ADK: variants seen among roughly 807,000 people sequenced by gnomAD.
The protein encoded by ADK is adenosine kinase.
A neutral mutation model predicts 44.7 loss-of-function variants in ADK; 24 were observed. The observed-to-expected ratio is 0.54, with a 90% CI of 0.39 to 0.76. The LOEUF (loss-of-function observed/expected upper bound fraction) is 0.76. Among genes scored for constraint, ADK ranks in the 30% least tolerant of loss-of-function variants. ADK has a pLI of 0.00. For missense variants in ADK, 321 were observed against 425.1 expected, an observed-to-expected ratio of 0.76 and a Z score of 2.15; for synonymous variants, 128 against 142.6, an observed-to-expected ratio of 0.90 and a Z score of 0.73.
chr10:74,662,243 C>T (rs1854762695), intron 9 of ADK, among the ~76,000 whole-genome samples: 1 of 152,164 alleles, frequency 6.6e-6, no homozygotes, highest in African/African-American at 2.4e-5. Context: ...CCCTCAACCC[C>T]TGCCATTCCA....
chr10:74,522,974 C>T (rs551217667), intron 6 of ADK, among the ~76,000 whole-genome samples: 1 of 151,574 alleles, frequency 6.6e-6, no homozygotes, highest in East Asian at 2.0e-4. Context: ...GCCCACCCTT[C>T]CCCGCAAAAA....
intron 7 of ADK, among the ~76,000 whole-genome samples, chr10:74,541,466 C>T (rs1172706078): frequency 6.6e-6 from 1 of 152,126 alleles, no homozygotes; most frequent in African/African-American, 2.4e-5. Context: ...TCTCTTTAAT[C>T]TAGAATGGTT....
At chr10:74,683,408 A>G (rs1855684938) in intron 10 of ADK, among the ~76,000 whole-genome samples, 2 of 152,232 alleles carry the variant, frequency 1.3e-5, no homozygotes, top group Non-Finnish European at 2.9e-5. Context: ...AATGTACAAC[A>G]TCAGTCTTAC....
chr10:74,647,859 T>C (rs1325683020), intron 9 of ADK, among the ~76,000 whole-genome samples: 1 of 152,196 alleles, frequency 6.6e-6, no homozygotes, highest in Non-Finnish European at 1.5e-5. Context: ...TTAAGTAAGC[T>C]CATTTGATAC....
chr10:74,247,492 C>A (rs1845469104), intron 3 of ADK, among the ~76,000 whole-genome samples: 1 of 151,886 alleles, frequency 6.6e-6, no homozygotes, highest in Non-Finnish European at 1.5e-5. Flanking sequence ...TAGCCTTGAC[C>A]TCCCAAAATG....
At chr10:74,585,168 C>G (rs1277711485) in intron 7 of ADK, among the ~76,000 whole-genome samples, 1 of 152,158 alleles carries the variant, frequency 6.6e-6, no homozygotes, top group Non-Finnish European at 1.5e-5. Context: ...TCCCTAACCT[C>G]CATTCAAAAA....
chr10:74,329,106 CAAAAAAAAAA>C (rs138730631), intron 4 of ADK, among the ~76,000 whole-genome samples: 1 of 82,122 alleles, frequency 1.2e-5, no homozygotes, highest in Non-Finnish European at 2.2e-5. Flanking sequence ...TCTGTGCAGG[CAAAAAAAAAA>C]AAAAAAAAAA....
At chr10:74,297,220 T>A (rs1392535031) in intron 3 of ADK, among the ~76,000 whole-genome samples, 2 of 152,228 alleles carry the variant, frequency 1.3e-5, no homozygotes, top group African/African-American at 2.4e-5. Context: ...TCTCACTAGG[T>A]AAATTTGAGT....
chr10:74,502,641 A>G (rs1847922591), intron 6 of ADK, among the ~76,000 whole-genome samples: 1 of 152,224 alleles, frequency 6.6e-6, no homozygotes, highest in Non-Finnish European at 1.5e-5. Flanking sequence ...AAAAAATTAT[A>G]TAAATGACCT....
intron 6 of ADK, among the ~76,000 whole-genome samples, chr10:74,407,240 G>A (rs1337528923): frequency 6.6e-6 from 1 of 152,148 alleles, no homozygotes; most frequent in Non-Finnish European, 1.5e-5. Context: ...GCAGGCATGA[G>A]CCGCCATGTC....
chr10:74,317,540 A>C (rs189391475), intron 4 of ADK, among the ~76,000 whole-genome samples: 127 of 150,768 alleles, frequency 8.4e-4, no homozygotes, highest in Middle Eastern at 3.4e-3. Flanking sequence ...AGCCTGGACA[A>C]CATAGTGAGA....
intron 1 of ADK, among the ~76,000 whole-genome samples, chr10:74,172,446 T>TG (rs1842190509): frequency 1.3e-5 from 2 of 152,104 alleles, no homozygotes; most frequent in African/African-American, 4.8e-5. Context: ...CCCAGCATTT[T>TG]GGGAGGCCGA....
chr10:74,402,386 G>A (rs1843746004), intron 6 of ADK, among the ~76,000 whole-genome samples: 1 of 152,144 alleles, frequency 6.6e-6, no homozygotes. Context: ...CCAATCAGAT[G>A]TAGATTTGGT....
intron 4 of ADK, among the ~76,000 whole-genome samples, chr10:74,315,368 T>C (rs1441753489): frequency 6.6e-6 from 1 of 152,166 alleles, no homozygotes; most frequent in African/African-American, 2.4e-5. Flanking sequence ...TACCGGTGTA[T>C]ATCTTTTATA....
chr10:74,445,211 CCT>C lies in ADK; in HGVS notation c.555+46633_555+46634del, dbSNP rs985068359. 2.0e-5 allele frequency among the ~76,000 whole-genome samples: 3 copies of C among 151,994 alleles called. No homozygotes were observed. The East Asian group carries it at 5.8e-4, about 29-fold the overall frequency. ...TTATATACAGCCTCTGTTGAAAAGA[CCT>C]TCTGTTAAAATCAGCTGCCCTTAGC... On this transcript the variant is annotated intron_variant, in intron 6 of 10. Transcript: ENST00000539909.
At chr10:74,642,452 G>A (rs531310611) in intron 9 of ADK, among the ~76,000 whole-genome samples, 1 of 149,096 alleles carries the variant, frequency 6.7e-6, no homozygotes, top group South Asian at 2.1e-4. Flanking sequence ...CAATCCTCCT[G>A]CCTTGGCTTC....
chr10:74,297,273 A>C (rs1351002278), intron 3 of ADK, among the ~76,000 whole-genome samples: 1 of 152,188 alleles, frequency 6.6e-6, no homozygotes, highest in Non-Finnish European at 1.5e-5. Flanking sequence ...GGTATTTACT[A>C]TTCAGTATCA....
At chr10:74,357,903 G>C (rs1842200373) in intron 4 of ADK, among the ~76,000 whole-genome samples, 1 of 152,120 alleles carries the variant, frequency 6.6e-6, no homozygotes, top group Non-Finnish European at 1.5e-5. Flanking sequence ...TTTGAACAGA[G>C]TTTGTGTATA....
chr10:74,485,993 A>G (rs571272898), intron 6 of ADK, among the ~76,000 whole-genome samples: 1 of 152,348 alleles, frequency 6.6e-6, no homozygotes, highest in African/African-American at 2.4e-5. Flanking sequence ...TCTTCAAGAC[A>G]AATAAGATGG....
Sources: gnomAD v4.1 joint callset for allele counts (sites outside exome capture counted in the v4.1 genomes callset) on GRCh38, gnomAD v4.1.1 for gene constraint, MANE v1.5 for transcripts, NCBI Gene and HGNC (gene_info 2026-07-23, HGNC 2026-07-21) for gene names.